The following ROBO2 variants were observed in gnomAD, a reference collection of about 807,000 sequenced individuals.
ROBO2 encodes the protein roundabout homolog 2.
A neutral mutation model predicts 160.8 loss-of-function variants in ROBO2; 53 were observed. The ratio of observed to expected loss-of-function variants is 0.33; its 90% CI spans 0.26 to 0.41. The LOEUF (loss-of-function observed/expected upper bound fraction) is 0.41. ROBO2 is among the 10% of genes least tolerant of loss of function. The probability of loss-of-function intolerance (pLI) is 1.00; values close to 1 mark genes in which losing one functional copy is unlikely to be tolerated. For synonymous variants in ROBO2, 664 were observed against 611.7 expected (o/e 1.09, Z -1.26); for missense variants, 1,577 against 1,722.4 (o/e 0.92, Z 1.49).
At chr3:76,757,498 G>A (rs1339323174) in intron 2 of ROBO2, among the ~76,000 whole-genome samples, 3 of 151,742 alleles carry the variant, frequency 2.0e-5, no homozygotes, top group Admixed American at 2.0e-4. Context: ...TTGCTAGGTG[G>A]GGTTGTTGGC....
intron 2 of ROBO2, among the ~76,000 whole-genome samples, chr3:76,413,525 C>T (rs1232412168): frequency 6.6e-6 from 1 of 152,142 alleles, no homozygotes; most frequent in Non-Finnish European, 1.5e-5. Flanking sequence ...CTGCCAGATA[C>T]CCTAAATCAT....
chr3:76,869,929 AATACCACACAGTT>A (rs1391097279), intron 2 of ROBO2, among the ~76,000 whole-genome samples: 3 of 152,136 alleles, frequency 2.0e-5, no homozygotes, highest in Non-Finnish European at 4.4e-5. Context: ...CTTCATGCCC[AATACCACACAGTT>A]ATGACACACC....
intron 2 of ROBO2, among the ~76,000 whole-genome samples, chr3:76,174,678 T>C (rs924591459): frequency 7.9e-5 from 12 of 152,122 alleles, no homozygotes; most frequent in African/African-American, 2.9e-4. Context: ...GTTGTAGATG[T>C]GTGGTGTTAT....
At chr3:76,340,843 AT>A (rs1202062356) in intron 2 of ROBO2, among the ~76,000 whole-genome samples, 5 of 152,254 alleles carry the variant, frequency 3.3e-5, no homozygotes, top group African/African-American at 1.2e-4. Context: ...GAGTTCTTAT[AT>A]TCTGCCACAA....
At chr3:76,848,610 G>T (rs373359867) in intron 2 of ROBO2, among the ~76,000 whole-genome samples, 1 of 152,222 alleles carries the variant, frequency 6.6e-6, no homozygotes, top group Non-Finnish European at 1.5e-5. Flanking sequence ...CAGCTCTGGA[G>T]GTGGGGTAAG....
intron 1 of ROBO2, among the ~76,000 whole-genome samples, chr3:77,081,431 A>G (rs1286313615): frequency 6.6e-6 from 1 of 152,198 alleles, no homozygotes; most frequent in Admixed American, 6.5e-5. Flanking sequence ...ATAGCCATGA[A>G]GAAATGCCCC....
intron 2 of ROBO2, among the ~76,000 whole-genome samples, chr3:76,042,979 C>T (rs976147154): frequency 6.6e-6 from 1 of 151,972 alleles, no homozygotes; most frequent in Non-Finnish European, 1.5e-5. Flanking sequence ...GAATAAAGCC[C>T]TTCCTTCTAC....
At chr3:76,420,935 T>C (rs1483176395) in intron 2 of ROBO2, among the ~76,000 whole-genome samples, 1 of 152,202 alleles carries the variant, frequency 6.6e-6, no homozygotes, top group African/African-American at 2.4e-5. Flanking sequence ...TCCACATGTA[T>C]AAGAAGAAGT....
chr3:77,182,975 A>G (rs1281594630), intron 2 of ROBO2, among the ~76,000 whole-genome samples: 2 of 152,080 alleles, frequency 1.3e-5, no homozygotes, highest in African/African-American at 4.8e-5. Flanking sequence ...GGAATAAACA[A>G]AATGAAACAA....
intron 2 of ROBO2, among the ~76,000 whole-genome samples, chr3:76,226,608 T>C (rs1704304035): frequency 6.6e-6 from 1 of 152,178 alleles, no homozygotes; most frequent in African/African-American, 2.4e-5. Context: ...TTGTCTCAAG[T>C]TAGATTATCA....
chr3:76,948,908 AT>A (rs1157110855), intron 2 of ROBO2, among the ~76,000 whole-genome samples: 38 of 24,946 alleles, frequency 1.5e-3, no homozygotes, highest in East Asian at 2.4e-3. Flanking sequence ...ATATATATAT[AT>A]TTTTTTTTTT....
chr3:76,965,785 G>GTGTATATATA lies in ROBO2; in HGVS notation c.110-132228_110-132227insGTATATATAT, dbSNP rs1424338840. Reference sequence around the variant, plus strand: ...CTATACCATTATTTATTGTGTTTGTGTATATATATATATATATATATATAT... The same window carrying GTGTATATATA: ...CTATACCATTATTTATTGTGTTTGTGTGTATATATATATATATATATATATATATATATAT... On this transcript the variant is annotated intron_variant, in intron 2 of 26. Coordinates refer to the ROBO2 transcript ENST00000487694. 3.4e-3 allele frequency among the ~76,000 whole-genome samples: 434 copies of GTGTATATATA among 129,182 alleles called. 5 individuals are homozygous for GTGTATATATA. The highest frequency in any genetic ancestry group is 0.013 in the African/African-American group (401 of 32,044). 84.7% of individuals were successfully genotyped at this position (129,182 alleles called of 152,430 possible).
At chr3:76,883,364 T>C (rs2073555110) in intron 2 of ROBO2, among the ~76,000 whole-genome samples, 1 of 152,128 alleles carries the variant, frequency 6.6e-6, no homozygotes, top group Non-Finnish European at 1.5e-5. Context: ...ACTCCTATCA[T>C]GTTCAAATGT....
chr3:76,426,275 C>A (rs1174315941), intron 2 of ROBO2, among the ~76,000 whole-genome samples: 1 of 152,118 alleles, frequency 6.6e-6, no homozygotes, highest in East Asian at 1.9e-4. Flanking sequence ...CTCTAAATTA[C>A]CCTCTAGCTT....
At chr3:76,902,177 G>T (rs974493185) in intron 2 of ROBO2, among the ~76,000 whole-genome samples, 1 of 151,730 alleles carries the variant, frequency 6.6e-6, no homozygotes, top group Non-Finnish European at 1.5e-5. Flanking sequence ...TAACATTATT[G>T]GTGGACATTT....
intron 2 of ROBO2, among the ~76,000 whole-genome samples, chr3:76,620,258 T>C (rs1578599976): frequency 6.6e-6 from 1 of 152,172 alleles, no homozygotes; most frequent in East Asian, 1.9e-4. Context: ...TTTATTCTCA[T>C]GAAACATTAA....
intron 2 of ROBO2, among the ~76,000 whole-genome samples, chr3:76,691,890 G>A (rs2092809763): frequency 1.3e-5 from 2 of 152,138 alleles, no homozygotes; most frequent in Admixed American, 1.3e-4. Flanking sequence ...AAATTCTAGT[G>A]ACGAACAATC....
At chr3:77,295,200 A>C (rs1222244081) in intron 2 of ROBO2, among the ~76,000 whole-genome samples, 1 of 147,560 alleles carries the variant, frequency 6.8e-6, no homozygotes, top group African/African-American at 2.6e-5. Flanking sequence ...ATAAAGTAAA[A>C]TTGACGATTA....
chr3:77,378,937 C>T lies in ROBO2; in HGVS notation c.389-98477C>T, dbSNP rs147233653. On this transcript the variant is annotated intron_variant, in intron 2 of 25. Coordinates refer to ENST00000461745, the Ensembl canonical transcript of ROBO2. ...GATTATCAGTCACTCCTTGATGTCA[C>T]TTCTGTGTCTTCTTTTTTTTTTTTT... Among the ~76,000 whole-genome samples, 239 of 151,728 alleles carry T rather than the reference C, an allele frequency of 1.6e-3. 1 individual carries two copies. The highest frequency in any genetic ancestry group is 5.4e-3 in the African/African-American group (223 of 41,410).
Sources: gnomAD v4.1 joint callset for allele counts (sites outside exome capture counted in the v4.1 genomes callset) on GRCh38, gnomAD v4.1.1 for gene constraint, MANE v1.5 for transcripts, NCBI Gene and HGNC (gene_info 2026-07-23, HGNC 2026-07-21) for gene names.